CNTN6: variants seen among roughly 807,000 people sequenced by gnomAD.
CNTN6 encodes contactin-6.
Under a neutral mutation model 122.8 loss-of-function variants are expected in CNTN6, and 137 were observed. The ratio of observed to expected loss-of-function variants is 1.12; its 90% CI spans 0.97 to 1.29. The LOEUF (loss-of-function observed/expected upper bound fraction) is 1.29, where lower values mean the gene tolerates loss of function less well. Ranked by LOEUF, CNTN6 falls within the 50% of genes most tolerant of loss-of-function variation. The pLI, the probability that CNTN6 is intolerant of heterozygous loss-of-function variation, is 0.00. For missense variants in CNTN6, 1,634 were observed against 1,223.4 expected, an observed-to-expected ratio of 1.34 and a Z score of -5.01; for synonymous variants, 570 against 426.0, an observed-to-expected ratio of 1.34 and a Z score of -4.16.
intron 1 of CNTN6, among the ~76,000 whole-genome samples, chr3:1,104,823 TATTA>T (rs1204611855): frequency 6.6e-6 from 1 of 152,136 alleles, no homozygotes; most frequent in African/African-American, 2.4e-5. Flanking sequence ...AGCTTGTTTT[TATTA>T]ATTAACATCT....
intron 2 of CNTN6, among the ~76,000 whole-genome samples, chr3:1,202,252 A>G (rs1375952391): frequency 6.6e-6 from 1 of 152,246 alleles, no homozygotes; most frequent in African/African-American, 2.4e-5. Context: ...CAGCTGTAAC[A>G]TGTTTGGGCC....
chr3:1,303,562 T>C (rs1697801472), intron 7 of CNTN6, among the ~76,000 whole-genome samples: 1 of 152,208 alleles, frequency 6.6e-6, no homozygotes, highest in Non-Finnish European at 1.5e-5. Flanking sequence ...CTTGCCGTTA[T>C]TTCAGCTGTA....
At chr3:1,291,333 A>G (rs1362453529) in intron 5 of CNTN6, among the ~76,000 whole-genome samples, 2 of 152,216 alleles carry the variant, frequency 1.3e-5, no homozygotes, top group Non-Finnish European at 2.9e-5. Context: ...ACATGTAGGA[A>G]TAGATTGGCA....
intron 4 of CNTN6, among the ~76,000 whole-genome samples, chr3:1,268,092 C>G (rs1160474424): frequency 6.6e-6 from 1 of 152,230 alleles, no homozygotes; most frequent in Non-Finnish European, 1.5e-5. Context: ...GGTTTTGGCA[C>G]TGTCCTCCCT....
intron 12 of CNTN6, among the ~76,000 whole-genome samples, chr3:1,359,438 C>T (rs155895): frequency 0.77 from 117,512 of 152,028 alleles, 46,204 homozygotes; most frequent in African/African-American, 0.93. Context: ...TGGTTTTTCA[C>T]TTGTTTCTTT....
intron 17 of CNTN6, among the ~76,000 whole-genome samples, chr3:1,380,739 C>T (rs147201353): frequency 1.8e-3 from 281 of 152,208 alleles, no homozygotes; most frequent in African/African-American, 6.3e-3. Flanking sequence ...TGTCTCAAAA[C>T]CTTTATTTTC....
At chr3:1,401,688 T>G (rs1695728935) in intron 21 of CNTN6, 143 bp downstream of exon 21, 1 of 608,774 alleles carries the variant, frequency 1.6e-6, no homozygotes, top group Admixed American at 3.2e-5. Context: ...CATTGCTGCT[T>G]TCTAATTTTC....
At chr3:1,253,153 G>T (rs1225163248) in intron 4 of CNTN6, among the ~76,000 whole-genome samples, 1 of 152,148 alleles carries the variant, frequency 6.6e-6, no homozygotes, top group African/African-American at 2.4e-5. Context: ...TCCTGTCTTA[G>T]TTTTCATCAG....
At chr3:1,393,437 T>A in intron 20 of CNTN6, among the ~76,000 whole-genome samples, 1 of 135,740 alleles carries the variant, frequency 7.4e-6, no homozygotes, top group African/African-American at 2.8e-5. Context: ...GGGATAGCAT[T>A]GGGAGATATA....
In CNTN6 at chr3:1,245,219, T is replaced by TATATATATAAC. The variant is rs1559595107; in HGVS notation, c.358+17235_358+17236insACATATATATA. ...TGTGATATATATATATATATATATA[T>TATATATATAAC]ATATATATATATATATACACACACA... On this transcript the variant is annotated intron_variant, in intron 4 of 22. Transcript: ENST00000446702. Among the ~76,000 whole-genome samples the TATATATATAAC allele has an allele frequency of 1.7e-3, 39 of 23,114 alleles. 3 individuals carry two copies. The highest frequency in any genetic ancestry group is 2.7e-3 in the African/African-American group (9 of 3,370). 15.2% of individuals were successfully genotyped at this position (23,114 alleles called of 152,430 possible). A position where few individuals can be genotyped will look rare whatever the true frequency, so the allele number is the denominator to read the frequency against.
chr3:1,162,414 CCTT>C lies in CNTN6; in HGVS notation c.55+14359_55+14361del, dbSNP rs1469623733. Among the ~76,000 whole-genome samples the C allele has an allele frequency of 3.3e-5, 5 of 152,228 alleles. No individual in the cohort carries two copies. The South Asian group carries it at 6.2e-4, about 19-fold the overall frequency. On this transcript the variant is annotated intron_variant, in intron 2 of 22. Coordinates refer to ENST00000446702, the MANE Select transcript of CNTN6 (RefSeq NM_001289080.2). Reference sequence around the variant, plus strand: ...CTCAGAAGGGAGGGGAAAAAAAACCCCTTCTTCTTCGTAAAAGTCTTACAGAGA... The same window carrying C: ...CTCAGAAGGGAGGGGAAAAAAAACCCCTTCTTCGTAAAAGTCTTACAGAGA...
chr3:1,388,835 A>C (rs1354507523), intron 20 of CNTN6, among the ~76,000 whole-genome samples: 2 of 148,228 alleles, frequency 1.3e-5, no homozygotes, highest in Non-Finnish European at 3.0e-5. Context: ...GAAATGAATG[A>C]AATGAAGCAA....
At position 1,385,629 on chromosome 3, in the gene CNTN6, G is replaced by T; in HGVS notation, c.2536G>T (p.Asp846Tyr). ...TTATCAGGTCTTATACTGGACAGAT[G>T]ACTCCAAAGAATCCATGATAGGTAA... The part of the protein sequence containing the change: ...LGYEVLYWTD[D>Y]SKESMIGKIR... Residue 846 changes from aspartate (D) to tyrosine (Y), a missense_variant, in exon 20 of 23, where the codon GAC (aspartate) becomes TAC (tyrosine). Asp to Tyr is a radical substitution (Grantham distance 160). Coordinates refer to ENST00000446702, the MANE Select transcript of CNTN6 (RefSeq NM_001289080.2). The T allele has an allele frequency of 1.2e-6, 2 of 1,613,746 alleles. No individual in the cohort carries two copies. Among genetic ancestry groups the T allele is most frequent in the South Asian group, 2.2e-5 (2 of 91,026 alleles).
chr3:1,112,786 A>G (rs576371743), intron 1 of CNTN6, among the ~76,000 whole-genome samples: 1 of 152,274 alleles, frequency 6.6e-6, no homozygotes, highest in African/African-American at 2.4e-5. Context: ...ATACTGAAAT[A>G]TAGTGTGTGA....
At chr3:1,229,990 T>C (rs1195446257) in intron 4 of CNTN6, among the ~76,000 whole-genome samples, 2 of 152,152 alleles carry the variant, frequency 1.3e-5, no homozygotes, top group African/African-American at 4.8e-5. Context: ...CTGAAATATT[T>C]CTCATTGTAT....
intron 2 of CNTN6, among the ~76,000 whole-genome samples, chr3:1,210,793 C>T (rs1473530340): frequency 6.6e-6 from 1 of 152,098 alleles, no homozygotes; most frequent in Non-Finnish European, 1.5e-5. Context: ...GCCCCTTGTT[C>T]AAAAGGCAGA....
At chr3:1,371,011 G>C (rs894856462) in intron 12 of CNTN6, among the ~76,000 whole-genome samples, 36 of 151,646 alleles carry the variant, frequency 2.4e-4, no homozygotes, top group African/African-American at 8.7e-4. Context: ...TTTTTTCATG[G>C]CTCTTTTGTC....
intron 4 of CNTN6, among the ~76,000 whole-genome samples, chr3:1,260,784 C>T (rs1337573570): frequency 6.6e-6 from 1 of 151,970 alleles, no homozygotes; most frequent in East Asian, 1.9e-4. Flanking sequence ...GGTACCTCTA[C>T]CTGATGCCGC....
intron 2 of CNTN6, among the ~76,000 whole-genome samples, chr3:1,151,446 G>C (rs541705877): frequency 6.7e-6 from 1 of 150,152 alleles, no homozygotes; most frequent in Admixed American, 6.6e-5. Flanking sequence ...TTGTAATAAC[G>C]TTTTAAAAGT....
Sources: allele counts gnomAD v4.1 joint callset (sites outside exome capture counted in the v4.1 genomes callset), GRCh38; gene constraint gnomAD v4.1.1; transcripts MANE v1.5; gene names NCBI Gene and HGNC (gene_info 2026-07-23, HGNC 2026-07-21).